Variants in HDAC9 observed in about 807,000 individuals in gnomAD.
The protein encoded by HDAC9 is histone deacetylase 9.
HDAC9 carries 41 observed loss-of-function variants against 139.4 expected under a neutral mutation model. That is an observed-to-expected ratio of 0.29 (90% CI 0.23 to 0.38). HDAC9 has a LOEUF of 0.38. Among genes scored for constraint, HDAC9 ranks in the 10% least tolerant of loss-of-function variants. HDAC9 has a pLI of 1.00. For missense variants in HDAC9, 1,147 were observed against 1,297.0 expected (o/e 0.88, Z 1.78); for synonymous variants, 517 against 476.2 (o/e 1.09, Z -1.12).
In HDAC9 at chr7:18,723,995, A is replaced by G. The variant is rs376237622; in HGVS notation, c.1732-3585A>G. Among the ~76,000 whole-genome samples the G allele has an allele frequency of 3.9e-5, 6 of 152,178 alleles. No individual in the cohort carries two copies. The East Asian group carries it at 7.7e-4, about 19-fold the overall frequency. ...CAGTTTCTGGTTCAACGAGCTTTCA[A>G]CGTTATACAAGGAAAGATCATGTTA... is the stretch of plus-strand genomic sequence containing the variant. On this transcript the variant is annotated intron_variant, in intron 12 of 25. Coordinates refer to ENST00000686413, the MANE Select transcript of HDAC9 (RefSeq NM_178425.4).
At chr7:18,632,359 A>G (rs1408184172) in intron 7 of HDAC9, among the ~76,000 whole-genome samples, 1 of 152,096 alleles carries the variant, frequency 6.6e-6, no homozygotes, top group Non-Finnish European at 1.5e-5. Flanking sequence ...CATTCTTTCC[A>G]GTGGTACTGC....
At chr7:18,476,867 C>A (rs905600122) in intron 1 of HDAC9, among the ~76,000 whole-genome samples, 7 of 152,180 alleles carry the variant, frequency 4.6e-5, no homozygotes, top group African/African-American at 1.7e-4. Context: ...CTGCAGTTAG[C>A]TAAACCCTTT....
chr7:18,556,965 C>T (rs1326192827), intron 2 of HDAC9, among the ~76,000 whole-genome samples: 1 of 151,970 alleles, frequency 6.6e-6, no homozygotes. Flanking sequence ...ATGGCAAGTT[C>T]AGAAACCTAT....
At chr7:18,571,261 A>G (rs992942386) in intron 2 of HDAC9, among the ~76,000 whole-genome samples, 3 of 152,260 alleles carry the variant, frequency 2.0e-5, no homozygotes, top group African/African-American at 7.2e-5. Context: ...TTCTCATAAA[A>G]CAAGAGTGGC....
chr7:18,647,735 G>T, intron 9 of HDAC9, 50 bp from the exon 10 acceptor site: 1 of 1,459,454 alleles, frequency 6.9e-7, no homozygotes. Context: ...GAGACCCAGT[G>T]ACCCACATGG....
At chr7:18,384,766 A>C (rs1164168150) in intron 1 of HDAC9, among the ~76,000 whole-genome samples, 2 of 151,912 alleles carry the variant, frequency 1.3e-5, no homozygotes, top group Admixed American at 1.3e-4. Flanking sequence ...TGGGGAGAAA[A>C]AAGAAAAAAA....
chr7:18,547,861 C>CCTTCCTTCCT lies in HDAC9; in HGVS notation c.23-37420_23-37419insCTTCCTTCCT, dbSNP rs1563230225. ...CTTCCTTCCTTCCTTCCTTCCTACC[C>CCTTCCTTCCT]TCCCTCCCTCCCTCCCTCCCTCTCT... On this transcript the variant is annotated intron_variant, in intron 2 of 25. Coordinates refer to ENST00000686413, the MANE Select transcript of HDAC9 (RefSeq NM_178425.4). Among the ~76,000 whole-genome samples the CCTTCCTTCCT allele has an allele frequency of 5.8e-3, 121 of 20,996 alleles. 1 individual carries two copies. The highest frequency in any genetic ancestry group is 0.012 in the Admixed American group (16 of 1,350). The allele number at this position is 20,996 out of a possible 152,430, so 13.8% of individuals were successfully genotyped here.
At chr7:18,333,481 A>C (rs1422342071) in intron 1 of HDAC9, among the ~76,000 whole-genome samples, 1 of 151,526 alleles carries the variant, frequency 6.6e-6, no homozygotes. Flanking sequence ...CCATTTTACT[A>C]TCTCTCTATA....
At chr7:18,889,195 C>G (rs1048212827) in intron 22 of HDAC9, among the ~76,000 whole-genome samples, 3 of 152,132 alleles carry the variant, frequency 2.0e-5, no homozygotes, top group Admixed American at 6.5e-5. Flanking sequence ...ACATCAGGGT[C>G]TTTGCATGAA....
intron 1 of HDAC9, among the ~76,000 whole-genome samples, chr7:18,436,559 G>T (rs919532902): frequency 1.3e-5 from 2 of 152,158 alleles, no homozygotes; most frequent in Non-Finnish European, 2.9e-5. Context: ...ACTGTTTGGT[G>T]CTTCACATAT....
At chr7:18,804,557 A>T (rs1793553645) in intron 17 of HDAC9, among the ~76,000 whole-genome samples, 1 of 152,190 alleles carries the variant, frequency 6.6e-6, no homozygotes, top group African/African-American at 2.4e-5. Context: ...CCTTTCTTAA[A>T]ATGTTATATT....
intron 16 of HDAC9, among the ~76,000 whole-genome samples, chr7:18,783,766 T>A (rs746492437): frequency 6.6e-6 from 1 of 151,434 alleles, no homozygotes; most frequent in South Asian, 2.1e-4. Context: ...CCAGAAGCCA[T>A]ATTCAACACA....
chr7:18,323,624 C>G lies in HDAC9; in HGVS notation c.-42+33109C>G, dbSNP rs56383728. Among the ~76,000 whole-genome samples, 1,056 of 152,246 alleles carry G rather than the reference C, an allele frequency of 6.9e-3. 13 individuals carry two copies. Among genetic ancestry groups the G allele is most frequent in the African/African-American group, 0.024 (995 of 41,544 alleles). On this transcript the variant is annotated intron_variant, in intron 1 of 3. Coordinates refer to the HDAC9 transcript ENST00000413509. Reference sequence around the variant, plus strand: ...TGTATCTTTTAAAAGCTCCCATGTCCTAAGTTTTGGGGATCAACAATGAAT... The same window carrying G: ...TGTATCTTTTAAAAGCTCCCATGTCGTAAGTTTTGGGGATCAACAATGAAT...
chr7:18,719,599 C>CA (rs1784988086), intron 12 of HDAC9, among the ~76,000 whole-genome samples: 1 of 152,164 alleles, frequency 6.6e-6, no homozygotes, highest in African/African-American at 2.4e-5. Context: ...CTTGGTCTCC[C>CA]AAAGTGCTGG....
At position 18,634,715 on chromosome 7, in the gene HDAC9, G is replaced by A. The variant is rs1234485172; in HGVS notation, c.885G>A (p.Ser295=). Residue 295 remains serine, a synonymous_variant, in exon 8 of 26, where the codon TCG becomes TCA. Coordinates refer to ENST00000686413, the MANE Select transcript of HDAC9 (RefSeq NM_178425.4). ...PTGSVTENET[S]VLPPTPHAEQ... is the part of the protein sequence containing the mutation. ...GAAGTGTTACTGAAAATGAGACTTC[G>A]GTTTTGCCCCCTACCCCTCATGCCG... is the stretch of plus-strand genomic sequence containing the variant. 4.4e-6 allele frequency: 7 copies of A among 1,596,224 alleles called. No individual in the cohort carries two copies. Among genetic ancestry groups the A allele is most frequent in the South Asian group, 1.1e-5 (1 of 88,042 alleles).
At chr7:18,808,200 C>T (rs1268106287) in intron 17 of HDAC9, 1 of 152,166 alleles carries the variant, frequency 6.6e-6, no homozygotes, top group African/African-American at 2.4e-5. Flanking sequence ...AAGGGGATCT[C>T]TGCATAGCCA....
At chr7:18,285,367 A>T (rs960265937) in intron 2 of HDAC9, among the ~76,000 whole-genome samples, 7 of 152,084 alleles carry the variant, frequency 4.6e-5, no homozygotes, top group Admixed American at 3.9e-4. Context: ...TTTTCCTTAT[A>T]TTGGGAATAT....
intron 2 of HDAC9, among the ~76,000 whole-genome samples, chr7:18,234,988 C>A (rs1172363589): frequency 6.6e-6 from 1 of 152,016 alleles, no homozygotes. Context: ...ATTTGGGATC[C>A]CCCCAGAGCT....
chr7:18,560,807 CAG>C (rs1563281667), intron 2 of HDAC9, among the ~76,000 whole-genome samples: 1 of 152,070 alleles, frequency 6.6e-6, no homozygotes, highest in East Asian at 1.9e-4. Flanking sequence ...CCCCTGGAAT[CAG>C]AGAGGGAGCA....
Sources: gnomAD v4.1 joint callset for allele counts (sites outside exome capture counted in the v4.1 genomes callset) on GRCh38, gnomAD v4.1.1 for gene constraint, MANE v1.5 for transcripts, NCBI Gene and HGNC (gene_info 2026-07-23, HGNC 2026-07-21) for gene names.